The following KHDRBS2 variants were observed in gnomAD, a reference collection of about 807,000 sequenced individuals.
KHDRBS2 encodes the protein KH domain-containing, RNA-binding, signal transduction-associated protein 2.
A neutral mutation model predicts 44.3 loss-of-function variants in KHDRBS2; 26 were observed. The ratio of observed to expected loss-of-function variants is 0.59; its 90% CI spans 0.43 to 0.81. The LOEUF (loss-of-function observed/expected upper bound fraction) is 0.81. Among genes scored for constraint, KHDRBS2 ranks in the 40% least tolerant of loss-of-function variants. The probability of loss-of-function intolerance (pLI) is 0.00; values close to 1 mark genes in which losing one functional copy is unlikely to be tolerated. For synonymous variants in KHDRBS2, 194 were observed against 151.1 expected (o/e 1.28, Z -2.08); for missense variants, 476 against 433.1 (o/e 1.10, Z -0.88).
chr6:62,227,532 C>G (rs1426829188), intron 1 of KHDRBS2, among the ~76,000 whole-genome samples: 1 of 152,114 alleles, frequency 6.6e-6, no homozygotes, highest in East Asian at 1.9e-4. Flanking sequence ...TCTTGCCTAA[C>G]TGCCCTGCCC....
At chr6:62,034,705 A>AAC (rs1784958648) in intron 3 of KHDRBS2, among the ~76,000 whole-genome samples, 1 of 151,144 alleles carries the variant, frequency 6.6e-6, no homozygotes, top group Non-Finnish European at 1.5e-5. Flanking sequence ...AAAAAAAAAA[A>AAC]AAAAAAAAAA....
At chr6:62,207,947 C>T (rs1382948576) in intron 1 of KHDRBS2, among the ~76,000 whole-genome samples, 1 of 152,032 alleles carries the variant, frequency 6.6e-6, no homozygotes, top group African/African-American at 2.4e-5. Flanking sequence ...ATCTCTAATA[C>T]AATTTTATTA....
chr6:61,550,551 G>A, the KHDRBS2 span, among the ~76,000 whole-genome samples: 1 of 151,994 alleles, frequency 6.6e-6, no homozygotes, highest in South Asian at 2.1e-4. Context: ...GAGGTTGGGG[G>A]ATGGTGGCTT....
the KHDRBS2 span, among the ~76,000 whole-genome samples, chr6:61,670,258 C>A: frequency 1.3e-5 from 2 of 151,312 alleles, no homozygotes; most frequent in African/African-American, 4.8e-5. Flanking sequence ...ATTATTTGTA[C>A]CTGAATTACT....
chr6:62,015,682 G>T (rs1718088838), intron 3 of KHDRBS2, among the ~76,000 whole-genome samples: 1 of 152,114 alleles, frequency 6.6e-6, no homozygotes, highest in African/African-American at 2.4e-5. Flanking sequence ...AAAGCAGTCT[G>T]CAGAGATGGC....
the KHDRBS2 span, among the ~76,000 whole-genome samples, chr6:61,597,600 A>G: frequency 2.0e-5 from 3 of 151,038 alleles, no homozygotes; most frequent in Non-Finnish European, 4.4e-5. Context: ...CTTATCAGTG[A>G]TTAAAGGAAA....
At chr6:62,185,275 C>T (rs6937833) in intron 1 of KHDRBS2, among the ~76,000 whole-genome samples, 48,990 of 151,660 alleles carry the variant, frequency 0.32, 8,565 homozygotes, top group Middle Eastern at 0.44. Context: ...TACCCTAAAC[C>T]TGTGTTTTAC....
intron 2 of KHDRBS2, among the ~76,000 whole-genome samples, chr6:62,090,481 T>C (rs1799288721): frequency 1.3e-5 from 2 of 152,132 alleles, no homozygotes; most frequent in South Asian, 2.1e-4. Context: ...GCACAAATCG[T>C]ATAAGAGCAG....
chr6:62,112,534 C>T (rs530759463), intron 2 of KHDRBS2, among the ~76,000 whole-genome samples: 1 of 152,246 alleles, frequency 6.6e-6, no homozygotes, highest in African/African-American at 2.4e-5. Flanking sequence ...AATATGTTCA[C>T]TGAGTTCCCA....
chr6:62,147,158 T>G (rs556325834), intron 2 of KHDRBS2, among the ~76,000 whole-genome samples: 1 of 151,874 alleles, frequency 6.6e-6, no homozygotes, highest in East Asian at 1.9e-4. Flanking sequence ...TGTATCCTAG[T>G]TCCAGTTTCC....
intron 2 of KHDRBS2, among the ~76,000 whole-genome samples, chr6:62,107,341 C>CA (rs1453542762): frequency 6.6e-6 from 1 of 152,134 alleles, no homozygotes; most frequent in Middle Eastern, 3.2e-3. Context: ...CTCCCATTCA[C>CA]AATTACTTCA....
At chr6:61,879,751 C>A (rs533924345) in intron 6 of KHDRBS2, among the ~76,000 whole-genome samples, 93 of 151,794 alleles carry the variant, frequency 6.1e-4, no homozygotes, top group African/African-American at 2.2e-3. Flanking sequence ...TCTTGTTCAT[C>A]CATTTTAAAT....
At chr6:61,639,616 G>A in the KHDRBS2 span, among the ~76,000 whole-genome samples, 1 of 151,952 alleles carries the variant, frequency 6.6e-6, no homozygotes, top group Non-Finnish European at 1.5e-5. Context: ...CTGCTGTCAT[G>A]TTGTCATTTT....
At chr6:62,234,258 T>C (rs1251368401) in intron 1 of KHDRBS2, among the ~76,000 whole-genome samples, 3 of 152,130 alleles carry the variant, frequency 2.0e-5, no homozygotes, top group Non-Finnish European at 2.9e-5. Flanking sequence ...GTTTACTACA[T>C]ACTAGTTAGG....
At chr6:62,055,618 A>G (rs1790102140) in intron 2 of KHDRBS2, among the ~76,000 whole-genome samples, 1 of 152,040 alleles carries the variant, frequency 6.6e-6, no homozygotes, top group African/African-American at 2.4e-5. Context: ...TTCAGTCTCA[A>G]TCCTTGCAAG....
intron 2 of KHDRBS2, among the ~76,000 whole-genome samples, chr6:62,059,402 A>C (rs1253060992): frequency 6.6e-6 from 1 of 151,214 alleles, no homozygotes; most frequent in Non-Finnish European, 1.5e-5. Context: ...AGCTCGATAA[A>C]TGATAATGGG....
At chr6:61,900,991 A>C (rs1803898539) in intron 5 of KHDRBS2, among the ~76,000 whole-genome samples, 1 of 152,070 alleles carries the variant, frequency 6.6e-6, no homozygotes, top group South Asian at 2.1e-4. Context: ...GACCCCAGGT[A>C]AATTTCATAC....
intron 1 of KHDRBS2, among the ~76,000 whole-genome samples, chr6:62,239,272 A>G (rs1254000896): frequency 1.3e-5 from 2 of 152,198 alleles, no homozygotes; most frequent in Admixed American, 6.6e-5. Context: ...ACATTTACAC[A>G]CATTGAAAGC....
In KHDRBS2 at chr6:61,745,820, C is replaced by G. The variant is rs566131774; in HGVS notation, c.811-13056G>C. 2.7e-5 allele frequency among the ~76,000 whole-genome samples: 4 copies of G among 149,862 alleles called. No homozygotes were observed. In the South Asian group the frequency reaches 8.3e-4, roughly 31 times the overall value. The stretch of plus-strand genomic sequence containing the variant: ...TTATTTATATAGTGCCTTGACGTTG[C>G]TGCTGTGTGTAAAATAAAATAAAAT... On this transcript the variant is annotated intron_variant, in intron 6 of 8. Coordinates refer to ENST00000281156, the MANE Select transcript of KHDRBS2 (RefSeq NM_152688.4).
Sources: gnomAD v4.1 joint callset for allele counts (sites outside exome capture counted in the v4.1 genomes callset) on GRCh38, gnomAD v4.1.1 for gene constraint, MANE v1.5 for transcripts, NCBI Gene and HGNC (gene_info 2026-07-23, HGNC 2026-07-21) for gene names.